Variants in TRPS1 observed in about 807,000 individuals in gnomAD.
TRPS1 encodes transcriptional repressor GATA binding 1, also known as zinc finger transcription factor Trps1.
Under a neutral mutation model 101.2 loss-of-function variants are expected in TRPS1, and 6 were observed. That is an observed-to-expected ratio of 0.06 (90% CI 0.03 to 0.12). TRPS1 has a LOEUF of 0.12. Among genes scored for constraint, TRPS1 ranks in the 10% least tolerant of loss-of-function variants. The probability of loss-of-function intolerance (pLI) is 1.00; values close to 1 mark genes in which losing one functional copy is unlikely to be tolerated. For synonymous variants in TRPS1, 578 were observed against 589.8 expected (o/e 0.98, Z 0.29); for missense variants, 1,363 against 1,567.0 (o/e 0.87, Z 2.20).
In TRPS1 at chr8:115,409,252, A is replaced by G. The variant is rs1305806074; in HGVS notation, c.*4771T>C. 2.8e-5 allele frequency: 2 copies of G among 71,148 alleles called. No homozygotes were observed. Among genetic ancestry groups the G allele is most frequent in the African/African-American group, 1.0e-4 (2 of 19,420 alleles). The allele number at this position is 71,148 out of a possible 1,614,324, so 4.4% of individuals were successfully genotyped here. ...AAGAAAAAGTGATATGCTGCAGTTT[A>G]TATGTTGGGAAAAAAAAAAAAAAAA... On this transcript the variant is annotated 3_prime_UTR_variant, in exon 7 of 7. Transcript: ENST00000395715.
intron 1 of TRPS1, among the ~76,000 whole-genome samples, chr8:115,625,125 A>C (rs935157592): frequency 3.3e-5 from 5 of 152,006 alleles, no homozygotes; most frequent in Non-Finnish European, 7.4e-5. Context: ...TATTTCCATT[A>C]GATGAGAAAC....
At chr8:115,598,547 C>G (rs1214442198) in intron 4 of TRPS1, among the ~76,000 whole-genome samples, 2 of 152,102 alleles carry the variant, frequency 1.3e-5, no homozygotes, top group African/African-American at 4.8e-5. Flanking sequence ...CTTCTGGGTT[C>G]AAGCCTTGGC....
intron 5 of TRPS1, among the ~76,000 whole-genome samples, chr8:115,534,641 C>T (rs1209001615): frequency 3.3e-5 from 5 of 152,210 alleles, no homozygotes; most frequent in Non-Finnish European, 7.3e-5. Context: ...AGAGACAACT[C>T]CCCAAAACTC....
In TRPS1 at chr8:115,664,356, C is replaced by T. The variant is rs1181349577; in HGVS notation, c.-122+4189G>A. 2.0e-5 allele frequency among the ~76,000 whole-genome samples: 3 copies of T among 152,194 alleles called. 1 individual carries two copies. The highest frequency in any genetic ancestry group is 4.4e-5 in the Non-Finnish European group (3 of 67,950). ...CTTAAACAATTAGATTAAATGTCTA[C>T]TTGGCAAAGGCTAGAAGACCATCTT... On this transcript the variant is annotated intron_variant, in intron 1 of 6. Transcript: ENST00000395715.
At chr8:115,429,467 C>T (rs1813267583) in intron 5 of TRPS1, among the ~76,000 whole-genome samples, 1 of 152,126 alleles carries the variant, frequency 6.6e-6, no homozygotes, top group Non-Finnish European at 1.5e-5. Context: ...TTACTCGCAC[C>T]CGGCTCTCTC....
intron 5 of TRPS1, among the ~76,000 whole-genome samples, chr8:115,429,537 G>A (rs1586265267): frequency 6.6e-6 from 1 of 151,990 alleles, no homozygotes; most frequent in African/African-American, 2.4e-5. Flanking sequence ...CTACCTCATC[G>A]CATCAAGCAT....
chr8:115,509,696 C>T (rs188459458), intron 5 of TRPS1: 1 of 151,976 alleles, frequency 6.6e-6, no homozygotes, highest in Admixed American at 6.6e-5. Context: ...AAATAAGGAA[C>T]CCATTGACGT....
chr8:115,458,241 A>G (rs559704484), intron 5 of TRPS1, among the ~76,000 whole-genome samples: 2 of 152,282 alleles, frequency 1.3e-5, no homozygotes, highest in African/African-American at 4.8e-5. Context: ...TGTTCCCAAA[A>G]TAGAGGCACC....
At chr8:115,452,235 G>C (rs903977793) in intron 5 of TRPS1, among the ~76,000 whole-genome samples, 1 of 152,122 alleles carries the variant, frequency 6.6e-6, no homozygotes, top group Non-Finnish European at 1.5e-5. Flanking sequence ...GTGCTAAGCA[G>C]AAGACAGGAA....
rs1231508299 is a variant in TRPS1, at chr8:115,412,369, G to A, written c.*1654C>T. 1 of 152,330 alleles carries A rather than the reference G, an allele frequency of 6.6e-6. No homozygotes were observed. Among genetic ancestry groups the A allele is most frequent in the Non-Finnish European group, 1.5e-5 (1 of 67,958 alleles). 9.4% of individuals were successfully genotyped at this position (152,330 alleles called of 1,614,324 possible). Reference sequence around the variant, plus strand: ...GATATCTACTGCAATAGAAATAGTTGCTTCATTACCTTGTTTGCTACATTT... The same window carrying A: ...GATATCTACTGCAATAGAAATAGTTACTTCATTACCTTGTTTGCTACATTT... On this transcript the variant is annotated 3_prime_UTR_variant, in exon 7 of 7. Coordinates refer to ENST00000395715, the MANE Select transcript of TRPS1 (RefSeq NM_014112.5).
At chr8:115,655,185 A>T (rs1289228102) in intron 1 of TRPS1, among the ~76,000 whole-genome samples, 1 of 152,190 alleles carries the variant, frequency 6.6e-6, no homozygotes. Flanking sequence ...ACATGACCCA[A>T]TGTTCACTTT....
intron 5 of TRPS1, among the ~76,000 whole-genome samples, chr8:115,525,973 A>G (rs1488734326): frequency 6.6e-6 from 1 of 152,206 alleles, no homozygotes; most frequent in African/African-American, 2.4e-5. Flanking sequence ...GGCAGAGTAC[A>G]TGCTGAAAAA....
chr8:115,450,942 GACATATTAC>G (rs3840690), intron 5 of TRPS1, among the ~76,000 whole-genome samples: 37,529 of 151,816 alleles, frequency 0.25, 5,212 homozygotes, highest in Middle Eastern at 0.42. Flanking sequence ...GAATTCTGAT[GACATATTAC>G]ACATATTACA....
At chr8:115,427,680 G>A (rs1026601466) in intron 5 of TRPS1, among the ~76,000 whole-genome samples, 13 of 152,128 alleles carry the variant, frequency 8.5e-5, no homozygotes, top group African/African-American at 2.9e-4. Flanking sequence ...CTTAAAGAAC[G>A]CTTATCTCTT....
chr8:115,479,662 T>G (rs966985066), intron 5 of TRPS1, among the ~76,000 whole-genome samples: 7 of 152,156 alleles, frequency 4.6e-5, no homozygotes, highest in African/African-American at 1.4e-4. Flanking sequence ...TTAACAGCAT[T>G]AATAACATAA....
intron 5 of TRPS1, among the ~76,000 whole-genome samples, chr8:115,442,219 T>C (rs114387002): frequency 5.3e-5 from 8 of 152,278 alleles, no homozygotes; most frequent in African/African-American, 1.9e-4. Context: ...ATGTCATATA[T>C]AGATTCGCTG....
chr8:115,481,897 T>C (rs1814762789), intron 5 of TRPS1, among the ~76,000 whole-genome samples: 1 of 152,128 alleles, frequency 6.6e-6, no homozygotes, highest in Non-Finnish European at 1.5e-5. Flanking sequence ...AAGAATGTAG[T>C]GAAGGAAAAC....
In TRPS1 at chr8:115,434,242, A is replaced by G. The variant is rs771366915; in HGVS notation, c.2701-15790T>C. Among the ~76,000 whole-genome samples the G allele has an allele frequency of 5.9e-5, 9 of 152,334 alleles. 1 individual carries two copies. Among genetic ancestry groups the G allele is most frequent in the South Asian group, 2.1e-4 (1 of 4,830 alleles). On this transcript the variant is annotated intron_variant, in intron 5 of 6. Transcript: ENST00000395715. ...ACATCTATTGGTAGTCTGAGATATA[A>G]TAACAATTATTAAAATACTTGGCCT...
chr8:115,555,860 CAAACAAACA>C (rs1447907370), intron 5 of TRPS1, among the ~76,000 whole-genome samples: 1 of 80,860 alleles, frequency 1.2e-5, no homozygotes, highest in African/African-American at 1.0e-4. Context: ...AACAAACAAA[CAAACAAACA>C]AAAAAAAAAG....
Sources: gnomAD v4.1 joint callset for allele counts (sites outside exome capture counted in the v4.1 genomes callset) on GRCh38, gnomAD v4.1.1 for gene constraint, MANE v1.5 for transcripts, NCBI Gene and HGNC (gene_info 2026-07-23, HGNC 2026-07-21) for gene names.